Variants in PTK2 observed in about 807,000 individuals in gnomAD.
The protein encoded by PTK2 is focal adhesion kinase 1.
PTK2 carries 45 observed loss-of-function variants against 150.1 expected under a neutral mutation model. The observed-to-expected ratio is 0.30, with a 90% CI of 0.24 to 0.38. The LOEUF is 0.38. Among genes scored for constraint, PTK2 ranks in the 10% least tolerant of loss-of-function variants. The probability of loss-of-function intolerance (pLI) is 1.00; values close to 1 mark genes in which losing one functional copy is unlikely to be tolerated. For synonymous variants in PTK2, 432 were observed against 449.2 expected (o/e 0.96, Z 0.48); for missense variants, 919 against 1,307.3 (o/e 0.70, Z 4.58).
intron 1 of PTK2, among the ~76,000 whole-genome samples, chr8:140,951,725 AT>A (rs1231796014): frequency 3.2e-4 from 49 of 152,016 alleles, no homozygotes; most frequent in African/African-American, 1.1e-3. Flanking sequence ...CTACAAAAAA[AT>A]TTTTTTAATT....
intron 1 of PTK2, among the ~76,000 whole-genome samples, chr8:140,945,137 G>A (rs1360311827): frequency 6.6e-6 from 1 of 152,148 alleles, no homozygotes; most frequent in Non-Finnish European, 1.5e-5. Context: ...CTGATGAATT[G>A]GCTTGGATAG....
intron 2 of PTK2, chr8:140,892,636 T>TA (rs374677357): frequency 0.024 from 8,238 of 349,790 alleles, 179 homozygotes; most frequent in African/African-American, 0.095. Flanking sequence ...TCCAATTAGT[T>TA]AAAAAAAAAA....
At chr8:140,699,721 T>C (rs1408560322) in intron 26 of PTK2, among the ~76,000 whole-genome samples, 11 of 152,218 alleles carry the variant, frequency 7.2e-5, no homozygotes, top group Non-Finnish European at 1.5e-5. Context: ...AATGCTCATA[T>C]TTCTGAGCCC....
At position 140,967,861 on chromosome 8, in the gene PTK2, A is replaced by G. The variant is rs549609527; in HGVS notation, c.-122+33264T>C. 3.8e-4 allele frequency among the ~76,000 whole-genome samples: 58 copies of G among 152,328 alleles called. 1 individual carries two copies. The South Asian group carries it at 6.2e-3, about 16-fold the overall frequency. On this transcript the variant is annotated intron_variant, in intron 1 of 31. Transcript: ENST00000522684. ...CTTTATACCAATTTTCCCTTCTTCTAAACTCAGTCTATCAATAGTTCCTGC... is the reference window on the plus strand; with the variant it reads ...CTTTATACCAATTTTCCCTTCTTCTGAACTCAGTCTATCAATAGTTCCTGC...
At chr8:140,753,633 C>T (rs1182567926) in intron 16 of PTK2, among the ~76,000 whole-genome samples, 2 of 152,106 alleles carry the variant, frequency 1.3e-5, no homozygotes, top group African/African-American at 4.8e-5. Flanking sequence ...AGGAGACAAA[C>T]CAAGAAAATG....
At chr8:140,784,670 A>T (rs1277307068) in intron 14 of PTK2, among the ~76,000 whole-genome samples, 3 of 152,152 alleles carry the variant, frequency 2.0e-5, no homozygotes, top group African/African-American at 7.2e-5. Flanking sequence ...GATATGTTCC[A>T]AGTTGTACCC....
intron 12 of PTK2, among the ~76,000 whole-genome samples, chr8:140,793,959 C>A (rs2100090081): frequency 6.6e-6 from 1 of 152,218 alleles, no homozygotes; most frequent in Non-Finnish European, 1.5e-5. Flanking sequence ...GAGCAGGACA[C>A]AGTGACTGGC....
At chr8:140,776,071 C>T (rs1354888363) in intron 14 of PTK2, among the ~76,000 whole-genome samples, 1 of 152,188 alleles carries the variant, frequency 6.6e-6, no homozygotes, top group Admixed American at 6.5e-5. Flanking sequence ...GTGGCGTGAT[C>T]TTGCTTACTA....
chr8:140,917,705 A>G (rs1242811511), intron 2 of PTK2, among the ~76,000 whole-genome samples: 4 of 152,250 alleles, frequency 2.6e-5, no homozygotes, highest in Admixed American at 1.3e-4. Context: ...TTAAAGTAAT[A>G]ATCATTTATG....
intron 1 of PTK2, among the ~76,000 whole-genome samples, chr8:140,943,429 C>A (rs999848699): frequency 6.6e-6 from 1 of 152,214 alleles, no homozygotes; most frequent in Non-Finnish European, 1.5e-5. Context: ...CTTTTTATTG[C>A]TGTATAGGAT....
chr8:140,736,506 G>A (rs2100052683), intron 21 of PTK2, among the ~76,000 whole-genome samples: 2 of 148,910 alleles, frequency 1.3e-5, no homozygotes, highest in Non-Finnish European at 1.5e-5. Context: ...ACCTGCACAT[G>A]GACCCTCTGA....
chr8:140,912,950 A>C lies in PTK2; in HGVS notation c.-33+12711T>G, dbSNP rs575729717. On this transcript the variant is annotated intron_variant, in intron 2 of 31. Transcript: ENST00000522684. Reference sequence around the variant, plus strand: ...GACAGAGCAAGACTCTGTCTCAAAAAAAAGAAAAAAGAAAAAGGATATCCA... The same window carrying C: ...GACAGAGCAAGACTCTGTCTCAAAACAAAGAAAAAAGAAAAAGGATATCCA... 1.6e-4 allele frequency among the ~76,000 whole-genome samples: 25 copies of C among 152,158 alleles called. 1 individual carries two copies. The South Asian group carries it at 5.0e-3, about 30-fold the overall frequency.
At chr8:140,948,375 G>C (rs2100178392) in intron 1 of PTK2, among the ~76,000 whole-genome samples, 1 of 152,016 alleles carries the variant, frequency 6.6e-6, no homozygotes, top group African/African-American at 2.4e-5. Flanking sequence ...GGCAGAACAG[G>C]GAGACATGCT....
intron 10 of PTK2, among the ~76,000 whole-genome samples, chr8:140,812,927 A>C (rs1270253253): frequency 6.6e-6 from 1 of 152,242 alleles, no homozygotes; most frequent in Admixed American, 6.5e-5. Context: ...CCTACACAAT[A>C]ATAGTGGGAG....
At chr8:140,731,615 C>T (rs887063184) in intron 22 of PTK2, among the ~76,000 whole-genome samples, 2 of 152,114 alleles carry the variant, frequency 1.3e-5, no homozygotes, top group Non-Finnish European at 2.9e-5. Flanking sequence ...ATATACAAGG[C>T]TGGGCATGGT....
chr8:140,724,727 A>C (rs770225877), intron 22 of PTK2, among the ~76,000 whole-genome samples: 2 of 152,236 alleles, frequency 1.3e-5, no homozygotes, highest in Non-Finnish European at 2.9e-5. Context: ...ATGATTTCTT[A>C]TAATTAGTCA....
exon 32 of PTK2, chr8:140,659,471 G>A (rs1168178149): frequency 6.2e-7 from 1 of 1,611,818 alleles, no homozygotes; most frequent in Non-Finnish European, 8.5e-7. Flanking sequence ...GAGGCTCAGT[G>A]TGGTCTCGTC....
intron 7 of PTK2, among the ~76,000 whole-genome samples, chr8:140,841,808 T>C (rs1054104608): frequency 6.6e-6 from 1 of 151,984 alleles, no homozygotes; most frequent in Non-Finnish European, 1.5e-5. Flanking sequence ...GCCATATATG[T>C]GAAGAGGTTT....
At chr8:140,740,685 T>C (rs1484514233) in intron 20 of PTK2, among the ~76,000 whole-genome samples, 1 of 152,246 alleles carries the variant, frequency 6.6e-6, no homozygotes, top group Non-Finnish European at 1.5e-5. Context: ...AATTTAGCTC[T>C]TTATTGGAAT....
Sources: gnomAD v4.1 joint callset for allele counts (sites outside exome capture counted in the v4.1 genomes callset) on GRCh38, gnomAD v4.1.1 for gene constraint, MANE v1.5 for transcripts, NCBI Gene and HGNC (gene_info 2026-07-23, HGNC 2026-07-21) for gene names.